Variants in ADAMTS12 observed in about 807,000 individuals in gnomAD.
ADAMTS12 encodes ADAM metallopeptidase with thrombospondin type 1 motif 12.
Under a neutral mutation model 167.8 loss-of-function variants are expected in ADAMTS12, and 118 were observed. That is an observed-to-expected ratio of 0.70 (90% CI 0.61 to 0.82). The LOEUF is 0.82. ADAMTS12 is among the 40% of genes least tolerant of loss of function. ADAMTS12 has a pLI of 0.00. For missense variants in ADAMTS12, 1,916 were observed against 1,998.8 expected (o/e 0.96, Z 0.79); for synonymous variants, 704 against 716.9 (o/e 0.98, Z 0.29).
chr5:33,617,429 T>C (rs1220927862), intron 14 of ADAMTS12, among the ~76,000 whole-genome samples: 1 of 152,166 alleles, frequency 6.6e-6, no homozygotes, highest in South Asian at 2.1e-4. Context: ...AATAATTTGC[T>C]CTGAAACTGG....
At chr5:33,791,797 C>T (rs377120814) in intron 2 of ADAMTS12, among the ~76,000 whole-genome samples, 9 of 149,160 alleles carry the variant, frequency 6.0e-5, no homozygotes, top group South Asian at 2.1e-4. Flanking sequence ...CTTAGGATAG[C>T]GAAGTTGGTA....
At chr5:33,830,543 C>A (rs1280534562) in intron 2 of ADAMTS12, among the ~76,000 whole-genome samples, 1 of 152,178 alleles carries the variant, frequency 6.6e-6, no homozygotes, top group Non-Finnish European at 1.5e-5. Flanking sequence ...AATCCCAGCA[C>A]TTTGGGAGTC....
intron 2 of ADAMTS12, among the ~76,000 whole-genome samples, chr5:33,819,364 C>A (rs1408782829): frequency 6.6e-6 from 1 of 151,880 alleles, no homozygotes; most frequent in Non-Finnish European, 1.5e-5. Context: ...TCTTGATGCC[C>A]TTGTTAAAAA....
intron 20 of ADAMTS12, among the ~76,000 whole-genome samples, chr5:33,559,657 G>A (rs1191715785): frequency 6.6e-6 from 1 of 152,218 alleles, no homozygotes; most frequent in Non-Finnish European, 1.5e-5. Flanking sequence ...AAGGCAGGCG[G>A]ACCACTTGAG....
chr5:33,620,324 G>C (rs143177550), intron 14 of ADAMTS12, among the ~76,000 whole-genome samples: 292 of 152,298 alleles, frequency 1.9e-3, no homozygotes, highest in Middle Eastern at 6.8e-3. Context: ...TGAATCCCAT[G>C]GTGTTATTCA....
intron 1 of ADAMTS12, chr5:33,888,026 T>G (rs963143173): frequency 6.6e-6 from 1 of 152,274 alleles, no homozygotes; most frequent in Non-Finnish European, 1.5e-5. Context: ...ATTACAGGCA[T>G]GAGCCACCAC....
chr5:33,812,491 T>C (rs1003918795), intron 2 of ADAMTS12, among the ~76,000 whole-genome samples: 1 of 152,224 alleles, frequency 6.6e-6, no homozygotes, highest in African/African-American at 2.4e-5. Flanking sequence ...GAATATTCTG[T>C]CCAACAGAGA....
intron 12 of ADAMTS12, among the ~76,000 whole-genome samples, chr5:33,635,533 T>C (rs1465635355): frequency 2.0e-5 from 3 of 152,204 alleles, no homozygotes; most frequent in Non-Finnish European, 4.4e-5. Flanking sequence ...ACAGCTCTCC[T>C]TGAAGGGTTT....
chr5:33,527,386 A>G lies in ADAMTS12; in HGVS notation c.4607-20T>C. The G allele has an allele frequency of 6.2e-7, 1 of 1,610,092 alleles. No homozygotes were observed. ...GTAAATCTGTGGAAGGAGAAAAAGAATAAGAAAAAAGTCCAAAGATTATCC... is the reference window on the plus strand; with the variant it reads ...GTAAATCTGTGGAAGGAGAAAAAGAGTAAGAAAAAAGTCCAAAGATTATCC... On this transcript the variant is annotated intron_variant, in intron 23 of 23. Coordinates refer to ENST00000504830, the MANE Select transcript of ADAMTS12 (RefSeq NM_030955.4).
intron 1 of ADAMTS12, among the ~76,000 whole-genome samples, chr5:33,884,144 T>C (rs898439919): frequency 8.5e-5 from 13 of 152,314 alleles, no homozygotes; most frequent in Admixed American, 2.6e-4. Flanking sequence ...TAAGAGAAGC[T>C]CTGTGTCCAC....
chr5:33,553,258 C>T (rs1349773718), intron 20 of ADAMTS12, among the ~76,000 whole-genome samples: 1 of 152,140 alleles, frequency 6.6e-6, no homozygotes, highest in Non-Finnish European at 1.5e-5. Context: ...TGCTTATATA[C>T]TGCTGGTGGG....
At chr5:33,742,749 A>G (rs982805384) in intron 3 of ADAMTS12, among the ~76,000 whole-genome samples, 1 of 152,202 alleles carries the variant, frequency 6.6e-6, no homozygotes, top group Non-Finnish European at 1.5e-5. Context: ...TAATTCACTC[A>G]TTTACTCATT....
At chr5:33,538,807 C>G (rs898101089) in intron 22 of ADAMTS12, among the ~76,000 whole-genome samples, 1 of 152,158 alleles carries the variant, frequency 6.6e-6, no homozygotes, top group Admixed American at 6.5e-5. Context: ...CCTCCTTTCT[C>G]TTTTCTATCA....
At chr5:33,568,793 T>G (rs897982656) in intron 19 of ADAMTS12, among the ~76,000 whole-genome samples, 1 of 152,218 alleles carries the variant, frequency 6.6e-6, no homozygotes, top group Non-Finnish European at 1.5e-5. Flanking sequence ...GGGCGAGGTA[T>G]TGCCTCACTC....
intron 1 of ADAMTS12, among the ~76,000 whole-genome samples, chr5:33,890,261 G>C (rs1167584789): frequency 1.3e-5 from 2 of 152,192 alleles, no homozygotes; most frequent in Admixed American, 1.3e-4. Flanking sequence ...TGCAGGCTTT[G>C]TTTGTGCTGC....
chr5:33,737,649 G>A (rs1313759990), intron 3 of ADAMTS12, among the ~76,000 whole-genome samples: 1 of 152,140 alleles, frequency 6.6e-6, no homozygotes, highest in African/African-American at 2.4e-5. Flanking sequence ...GGTATTTTCA[G>A]GGTAGTACTC....
chr5:33,527,507 A>T (rs1291864761), intron 23 of ADAMTS12, 141 bp from the exon 24 acceptor site: 2 of 789,472 alleles, frequency 2.5e-6, no homozygotes, highest in African/African-American at 3.5e-5. Context: ...GTATCTACTG[A>T]ATGTTTATTA....
At chr5:33,549,546 C>G (rs1173824849) in intron 20 of ADAMTS12, among the ~76,000 whole-genome samples, 163 bp from the exon 21 acceptor site, 1 of 152,222 alleles carries the variant, frequency 6.6e-6, no homozygotes, top group East Asian at 1.9e-4. Context: ...CAGGAGGCAC[C>G]CCAGCAGCTC....
intron 2 of ADAMTS12, among the ~76,000 whole-genome samples, chr5:33,814,314 A>G (rs1286373228): frequency 6.6e-6 from 1 of 152,178 alleles, no homozygotes; most frequent in Non-Finnish European, 1.5e-5. Context: ...CCATATAGAT[A>G]TCTAATTCAC....
Sources: gnomAD v4.1 joint callset for allele counts (sites outside exome capture counted in the v4.1 genomes callset) on GRCh38, gnomAD v4.1.1 for gene constraint, MANE v1.5 for transcripts, NCBI Gene and HGNC (gene_info 2026-07-23, HGNC 2026-07-21) for gene names.